Variants in GALNT5 observed in about 807,000 individuals in gnomAD.
GALNT5 encodes polypeptide N-acetylgalactosaminyltransferase 5, also known as UDP-GalNAc:polypeptide N-acetylgalactosaminyltransferase 5.
A neutral mutation model predicts 85.4 loss-of-function variants in GALNT5; 72 were observed. The observed-to-expected ratio is 0.84, with a 90% CI of 0.70 to 1.03. The LOEUF (loss-of-function observed/expected upper bound fraction) is 1.03. GALNT5 is among the 50% of genes least tolerant of loss of function. GALNT5 has a pLI of 0.00. For synonymous variants in GALNT5, 404 were observed against 397.0 expected (o/e 1.02, Z -0.21); for missense variants, 1,137 against 1,135.5 (o/e 1.00, Z -0.02).
chr2:157,265,119 T>C (rs1682429994), intron 1 of GALNT5, among the ~76,000 whole-genome samples: 1 of 152,178 alleles, frequency 6.6e-6, no homozygotes, highest in African/African-American at 2.4e-5. Flanking sequence ...ATGTGTTCAT[T>C]TGTGTGTGCA....
rs770726415 is a variant in GALNT5 at position 157,258,668 on chromosome 2, G to A, written c.586G>A (p.Glu196Lys). ...VHMGRVSLKQEPRKSHSPSSD... is the reference protein window; with the variant it reads ...VHMGRVSLKQKPRKSHSPSSD... ...CATGGGACGTGTCAGTTTAAAACAG[G>A]AGCCCCGGAAGAGTCATAGTCCCAG... Residue 196 changes from glutamate to lysine, a missense_variant, in exon 1 of 10, where the codon GAG becomes AAG. Coordinates refer to ENST00000259056, the MANE Select transcript of GALNT5 (RefSeq NM_014568.3). The A allele has an allele frequency of 6.2e-7, 1 of 1,613,702 alleles. No individual in the cohort carries two copies. The highest frequency in any genetic ancestry group is 1.7e-5 in the Admixed American group (1 of 59,970).
intron 2 of GALNT5, 117 bp downstream of exon 2, chr2:157,284,565 A>G (rs1456794000): frequency 1.3e-6 from 1 of 761,600 alleles, no homozygotes; most frequent in Non-Finnish European, 2.2e-6. Context: ...ACATCGTACA[A>G]ATGCTTTGTT....
chr2:157,262,971 G>T (rs1167050627), intron 1 of GALNT5, among the ~76,000 whole-genome samples: 6 of 150,930 alleles, frequency 4.0e-5, no homozygotes, highest in African/African-American at 1.5e-4. Flanking sequence ...GGGACTACAG[G>T]CACCCGCCAC....
chr2:157,299,253 C>T (rs1357903184), intron 5 of GALNT5: 1 of 241,990 alleles, frequency 4.1e-6, no homozygotes, highest in Non-Finnish European at 8.1e-6. Flanking sequence ...CCTGATACTC[C>T]CTTAGCCCTG....
At position 157,308,625 on chromosome 2, in the gene GALNT5, C is replaced by T. The variant is rs1371832237; in HGVS notation, c.2579C>T (p.Ala860Val). 1.2e-6 allele frequency: 2 copies of T among 1,612,870 alleles called. No homozygotes were observed. Among genetic ancestry groups the T allele is most frequent in the Non-Finnish European group, 1.7e-6 (2 of 1,178,902 alleles). The change falls in exon 9 of 10, where the codon GCC becomes GTC. Residue 860 changes from alanine (A) to valine (V), a missense_variant. Physicochemically the swap from Ala to Val is moderately conservative, Grantham distance 64. Transcript: ENST00000259056. ...ATTAAATGTGGAGAATGGTGTATAG[C>T]CCCCATCCCTGATAAAGGAGCCGTA... Reference protein sequence around the residue: ...RLIKCGEWCIAPIPDKGAVRL... With the variant: ...RLIKCGEWCIVPIPDKGAVRL...
At chr2:157,291,602 T>C (rs983479726) in intron 3 of GALNT5, among the ~76,000 whole-genome samples, 3 of 151,318 alleles carry the variant, frequency 2.0e-5, no homozygotes, top group African/African-American at 7.3e-5. Flanking sequence ...CCAAAATTTT[T>C]GGCACATTGA....
rs543443186 is a variant in GALNT5 at position 157,318,124 on chromosome 2, A to G, written c.*6776A>G. Reference sequence around the variant, plus strand: ...GTCAAACATATTTCTTCTTTATTATACTCTGGTGCTTTATCCTTCTCCATA... The same window carrying G: ...GTCAAACATATTTCTTCTTTATTATGCTCTGGTGCTTTATCCTTCTCCATA... On this transcript the variant is annotated 3_prime_UTR_variant, in exon 10 of 10. Coordinates refer to ENST00000259056, the MANE Select transcript of GALNT5 (RefSeq NM_014568.3). Among the ~76,000 whole-genome samples the G allele has an allele frequency of 7.3e-4, 111 of 151,958 alleles. No homozygotes were observed. Among genetic ancestry groups the G allele is most frequent in the Non-Finnish European group, 1.3e-3 (88 of 67,936 alleles).
Position 157,257,892 on chromosome 2 carries a change from C to T in GALNT5, c.-191C>T, listed in dbSNP as rs951893699. The stretch of plus-strand genomic sequence containing the variant: ...ACAGATGCTCTGCTATGAAATGCCA[C>T]GCAGGCAGAGACTGACAAGCGGTAG... On this transcript the variant is annotated 5_prime_UTR_variant, in exon 1 of 10. In the 5' UTR this introduces an upstream ATG that the reference lacks. Coordinates refer to ENST00000259056, the MANE Select transcript of GALNT5 (RefSeq NM_014568.3). 5.5e-5 allele frequency: 34 copies of T among 623,632 alleles called. No homozygotes were observed. The highest frequency in any genetic ancestry group is 4.3e-4 in the Middle Eastern group (1 of 2,340). 38.6% of individuals were successfully genotyped at this position (623,632 alleles called of 1,614,324 possible). A position where few individuals can be genotyped will look rare whatever the true frequency, so the allele number is the denominator to read the frequency against.
At chr2:157,310,161 CA>C (rs1333438815) in intron 9 of GALNT5, among the ~76,000 whole-genome samples, 3 of 152,140 alleles carry the variant, frequency 2.0e-5, no homozygotes, top group Non-Finnish European at 2.9e-5. Context: ...GTTAAGATAG[CA>C]AAAATTAGAA....
At chr2:157,265,179 C>CT (rs1332532306) in intron 1 of GALNT5, among the ~76,000 whole-genome samples, 1 of 152,114 alleles carries the variant, frequency 6.6e-6, no homozygotes, top group Non-Finnish European at 1.5e-5. Flanking sequence ...GCACAGTACT[C>CT]TTTTTCACTC....
intron 1 of GALNT5, among the ~76,000 whole-genome samples, chr2:157,271,465 A>G (rs1017078364): frequency 2.0e-5 from 3 of 152,080 alleles, no homozygotes; most frequent in African/African-American, 7.2e-5. Context: ...CCTTTAGGAG[A>G]CTCCAGCAAT....
At chr2:157,262,972 C>T (rs566283175) in intron 1 of GALNT5, among the ~76,000 whole-genome samples, 3 of 151,064 alleles carry the variant, frequency 2.0e-5, no homozygotes, top group African/African-American at 2.5e-5. Context: ...GGACTACAGG[C>T]ACCCGCCACC....
intron 1 of GALNT5, 38 bp from the exon 2 acceptor site, chr2:157,284,244 T>C: frequency 1.3e-6 from 2 of 1,579,578 alleles, no homozygotes; most frequent in Non-Finnish European, 1.7e-6. Context: ...TGGATCTCCT[T>C]AGCACATCTC....
chr2:157,281,444 T>C (rs185112760), intron 1 of GALNT5, among the ~76,000 whole-genome samples: 2 of 152,192 alleles, frequency 1.3e-5, no homozygotes, highest in East Asian at 1.9e-4. Context: ...TGAAGCATCA[T>C]AGAAAAAGCC....
chr2:157,302,581 A>AG (rs973459159), intron 7 of GALNT5: 7 of 48,658 alleles, frequency 1.4e-4, no homozygotes, highest in Non-Finnish European at 4.4e-4. Context: ...ACCGCTGAGC[A>AG]GAAAAAAAAA....
At chr2:157,263,807 A>G (rs1268670555) in intron 1 of GALNT5, among the ~76,000 whole-genome samples, 1 of 152,242 alleles carries the variant, frequency 6.6e-6, no homozygotes, top group Non-Finnish European at 1.5e-5. Flanking sequence ...TTAATTTTTC[A>G]TTATGAATAT....
chr2:157,283,265 A>G (rs1682894751), intron 1 of GALNT5, among the ~76,000 whole-genome samples: 1 of 152,224 alleles, frequency 6.6e-6, no homozygotes, highest in African/African-American at 2.4e-5. Context: ...TATAATATTT[A>G]TGATCATCAT....
Position 157,279,451 on chromosome 2 carries a change from T to A in GALNT5, c.1455-4831T>A, listed in dbSNP as rs575247593. On this transcript the variant is annotated intron_variant, in intron 1 of 9. Transcript: ENST00000259056. ...ACAGAGGTGGAGTCTACAGAGGCAG[T>A]AGGCCTTGCTGAGCTGCGGTGGGCT... 9.5e-4 allele frequency among the ~76,000 whole-genome samples: 144 copies of A among 152,366 alleles called. 1 individual carries two copies. The highest frequency in any genetic ancestry group is 3.2e-3 in the African/African-American group (134 of 41,598).
Position 157,294,504 on chromosome 2 carries a change from T to G in GALNT5, c.1742-1159T>G, listed in dbSNP as rs187747413. ...AATAAAGTGGTCCTGGCAGAGGTTTTGGCCTGAATGGAGGCACCTGAGTTA... is the reference window on the plus strand; with the variant it reads ...AATAAAGTGGTCCTGGCAGAGGTTTGGGCCTGAATGGAGGCACCTGAGTTA... On this transcript the variant is annotated intron_variant, in intron 3 of 9. Coordinates refer to ENST00000259056, the MANE Select transcript of GALNT5 (RefSeq NM_014568.3). Among the ~76,000 whole-genome samples the G allele has an allele frequency of 5.0e-3, 766 of 152,262 alleles. 8 individuals are homozygous for G. The highest frequency in any genetic ancestry group is 0.017 in the African/African-American group (709 of 41,526).
Sources: gnomAD v4.1 joint callset for allele counts (sites outside exome capture counted in the v4.1 genomes callset) on GRCh38, gnomAD v4.1.1 for gene constraint, MANE v1.5 for transcripts, NCBI Gene and HGNC (gene_info 2026-07-23, HGNC 2026-07-21) for gene names.